The following SLIT1 variants were observed in gnomAD, a reference collection of about 807,000 sequenced individuals.
SLIT1 encodes slit homolog 1 protein.
In SLIT1, 66 loss-of-function variants were observed where a neutral mutation model predicts 186.1. That is an observed-to-expected ratio of 0.35 (90% CI 0.29 to 0.44). SLIT1 has a LOEUF of 0.44. Ranked by LOEUF, SLIT1 falls within the 20% of genes least tolerant of loss-of-function variation. The pLI, the probability that SLIT1 is intolerant of heterozygous loss-of-function variation, is 1.00. For missense variants in SLIT1, 1,638 were observed against 2,037.4 expected (o/e 0.80, Z 3.77); for synonymous variants, 761 against 833.8 (o/e 0.91, Z 1.50).
intron 4 of SLIT1, among the ~76,000 whole-genome samples, chr10:97,085,233 T>G (rs1849146532): frequency 2.0e-5 from 3 of 151,386 alleles, no homozygotes; most frequent in Admixed American, 2.0e-4. Context: ...TTACTTTTCT[T>G]ATACCTCCCA....
intron 4 of SLIT1, among the ~76,000 whole-genome samples, chr10:97,072,303 C>A (rs779238798): frequency 2.0e-5 from 3 of 152,158 alleles, no homozygotes; most frequent in African/African-American, 4.8e-5. Flanking sequence ...GGACTACAGG[C>A]GCATGCTACC....
At chr10:97,137,926 G>C (rs944282474) in intron 4 of SLIT1, among the ~76,000 whole-genome samples, 3 of 152,192 alleles carry the variant, frequency 2.0e-5, no homozygotes, top group Non-Finnish European at 4.4e-5. Context: ...AGAAAACTGA[G>C]TCTAAACAAG....
Position 97,024,893 on chromosome 10 carries a change from C to T in SLIT1, c.2583-3480G>A, listed in dbSNP as rs139153160. Among the ~76,000 whole-genome samples the T allele has an allele frequency of 1.2e-3, 187 of 152,254 alleles. 1 individual carries two copies. Among genetic ancestry groups the T allele is most frequent in the African/African-American group, 4.3e-3 (178 of 41,556 alleles). On this transcript the variant is annotated intron_variant, in intron 25 of 36. Coordinates refer to ENST00000266058, the MANE Select transcript of SLIT1 (RefSeq NM_003061.3). Reference sequence around the variant, plus strand: ...GCCCTGTGAAAGAGAGGGCCCACGGCGTGGCTTACGGTCCCTCCATAAATG... The same window carrying T: ...GCCCTGTGAAAGAGAGGGCCCACGGTGTGGCTTACGGTCCCTCCATAAATG...
Position 97,011,062 on chromosome 10 carries a change from C to T in SLIT1, c.3272G>A (p.Arg1091His), listed in dbSNP as rs764377281. The change falls in exon 31 of 37, where the codon CGC (arginine) becomes CAC (histidine). Residue 1091 changes from arginine to histidine, a missense_variant. Physicochemically the swap from Arg to His is conservative, Grantham distance 29. Around this residue, in one of 3 missense-constraint regions of SLIT1, gnomAD observed 1,245 missense variants for 1,535.3 expected, o/e 0.81. Coordinates refer to ENST00000266058, the MANE Select transcript of SLIT1 (RefSeq NM_003061.3). ...CATACACTGGGCCCCATTCTGGCAG[C>T]GGTGGTCCCTGCAGTCATCCTGGTT... ...SENQDDCRDH[R>H]CQNGAQCMDE... The T allele has an allele frequency of 3.8e-5, 61 of 1,613,486 alleles. No individual in the cohort carries two copies. The highest frequency in any genetic ancestry group is 4.7e-5 in the Non-Finnish European group (55 of 1,179,520).
chr10:97,180,522 C>G (rs140665894), intron 1 of SLIT1, among the ~76,000 whole-genome samples: 1 of 152,212 alleles, frequency 6.6e-6, no homozygotes, highest in Non-Finnish European at 1.5e-5. Flanking sequence ...ACTATTCACC[C>G]GGCACAATGC....
chr10:97,034,861 G>A (rs1463678148), intron 22 of SLIT1, among the ~76,000 whole-genome samples: 2 of 152,134 alleles, frequency 1.3e-5, no homozygotes, highest in South Asian at 2.1e-4. Context: ...GTGGCCTCCC[G>A]ACCAGATCCA....
intron 4 of SLIT1, among the ~76,000 whole-genome samples, chr10:97,124,556 C>T (rs1336259): frequency 0.46 from 69,633 of 152,134 alleles, 18,624 homozygotes; most frequent in Non-Finnish European, 0.59. Context: ...GGTGCGCACC[C>T]GGCTTCCCAG....
In SLIT1 at chr10:97,060,513, C is replaced by A. The variant is rs944710039; in HGVS notation, c.941+127G>T. ...TCAGCCCAGCAGAGGCAAACTGTGTCTTCTCTACGGCCACTGAGGGGTTGG... is the reference window on the plus strand; with the variant it reads ...TCAGCCCAGCAGAGGCAAACTGTGTATTCTCTACGGCCACTGAGGGGTTGG... On this transcript the variant is annotated intron_variant, in intron 9 of 36. Transcript: ENST00000266058. The A allele has an allele frequency of 2.5e-6, 3 of 1,184,054 alleles. No homozygotes were observed. In the African/African-American group the frequency reaches 4.6e-5, roughly 18 times the overall value. 73.3% of individuals were successfully genotyped at this position (1,184,054 alleles called of 1,614,324 possible).
intron 1 of SLIT1, among the ~76,000 whole-genome samples, chr10:97,166,127 C>T (rs1213025508): frequency 2.0e-5 from 3 of 152,090 alleles, no homozygotes; most frequent in Non-Finnish European, 2.9e-5. Flanking sequence ...CTCACTTGGC[C>T]AATTTTAGTC....
intron 4 of SLIT1, among the ~76,000 whole-genome samples, chr10:97,078,049 G>A (rs901709852): frequency 2.0e-5 from 3 of 152,190 alleles, no homozygotes; most frequent in African/African-American, 4.8e-5. Flanking sequence ...GGAAGCTGCA[G>A]TAAGCTGTGA....
chr10:97,063,330 CAGGTGATGGGCGGGGTCAGG>C (rs939282857), intron 8 of SLIT1, 105 bp downstream of exon 8: 33 of 1,004,402 alleles, frequency 3.3e-5, no homozygotes, highest in Non-Finnish European at 4.5e-5. Flanking sequence ...TGGGTGGGGC[CAGGTGATGGGCGGGGTCAGG>C]AGGTGATGGG....
At chr10:97,076,782 T>G (rs567832628) in intron 4 of SLIT1, among the ~76,000 whole-genome samples, 1 of 152,198 alleles carries the variant, frequency 6.6e-6, no homozygotes, top group Non-Finnish European at 1.5e-5. Flanking sequence ...GTCAGCTAAT[T>G]CTCAGTGTGA....
intron 1 of SLIT1, among the ~76,000 whole-genome samples, 183 bp from the exon 2 acceptor site, chr10:97,165,073 C>T (rs1378973859): frequency 1.3e-5 from 2 of 152,126 alleles, no homozygotes; most frequent in South Asian, 2.1e-4. Context: ...CAGCTGACAT[C>T]CAACCCACTG....
At position 97,006,555 on chromosome 10, in the gene SLIT1, G is replaced by A. The variant is rs1034472647; in HGVS notation, c.3507C>T (p.Asn1169=). ...GCAGGTAAGTGTCCCGATCCACAAAGTTGACACTGAGCAACTTCTCACACT... is the reference window on the plus strand; with the variant it reads ...GCAGGTAAGTGTCCCGATCCACAAAATTGACACTGAGCAACTTCTCACACT... ...GPECEKLLSV[N]FVDRDTYLQF... The change falls in exon 32 of 37, where the codon AAC becomes AAT. Residue 1169 remains asparagine, a synonymous_variant. Transcript: ENST00000266058. This position sits in a 1 kb window ranked among gnomAD's most constrained non-coding sequence, Gnocchi z 4.0. 1 of 1,614,132 alleles carries A rather than the reference G, an allele frequency of 6.2e-7. No homozygotes were observed. The highest frequency in any genetic ancestry group is 8.5e-7 in the Non-Finnish European group (1 of 1,180,058).
At chr10:97,098,942 G>A (rs1015929437) in intron 4 of SLIT1, among the ~76,000 whole-genome samples, 7 of 152,106 alleles carry the variant, frequency 4.6e-5, no homozygotes, top group Non-Finnish European at 7.4e-5. Context: ...AGGACACTCA[G>A]CCCCTCCTGT....
chr10:97,064,757 C>A, intron 6 of SLIT1, 48 bp downstream of exon 6: 1 of 1,447,212 alleles, frequency 6.9e-7, no homozygotes, highest in Non-Finnish European at 9.5e-7. Flanking sequence ...TGGCACCTGC[C>A]TAGCAGGGCC....
chr10:97,074,289 C>T (rs1328348607), intron 4 of SLIT1, among the ~76,000 whole-genome samples: 1 of 152,192 alleles, frequency 6.6e-6, no homozygotes, highest in Non-Finnish European at 1.5e-5. Context: ...GAGTCCTCTG[C>T]TCTAATCCCT....
At chr10:97,007,683 C>CA (rs201193126) in intron 31 of SLIT1, among the ~76,000 whole-genome samples, 72 of 140,552 alleles carry the variant, frequency 5.1e-4, no homozygotes, top group Non-Finnish European at 6.1e-4. Flanking sequence ...GATGAAAAAG[C>CA]AAAAAAAAAA....
intron 25 of SLIT1, among the ~76,000 whole-genome samples, chr10:97,025,425 C>T (rs942962284): frequency 2.6e-5 from 4 of 152,202 alleles, no homozygotes; most frequent in Admixed American, 6.5e-5. Flanking sequence ...AGACTCTGAG[C>T]CACACCTGAA....
Sources: allele counts gnomAD v4.1 joint callset (sites outside exome capture counted in the v4.1 genomes callset), GRCh38; gene constraint gnomAD v4.1.1; regional missense constraint gnomAD v4.1.1; non-coding constraint Gnocchi (gnomAD v3.1); transcripts MANE v1.5; gene names NCBI Gene and HGNC (gene_info 2026-07-23, HGNC 2026-07-21).